CDH12: variants seen among roughly 807,000 people sequenced by gnomAD.
The protein encoded by CDH12 is cadherin 12.
Under a neutral mutation model 74.1 loss-of-function variants are expected in CDH12, and 41 were observed. That is an observed-to-expected ratio of 0.55 (90% CI 0.43 to 0.72). The LOEUF (loss-of-function observed/expected upper bound fraction) is 0.72, where lower values mean the gene tolerates loss of function less well. Ranked by LOEUF, CDH12 falls within the 30% of genes least tolerant of loss-of-function variation. The pLI, the probability that CDH12 is intolerant of heterozygous loss-of-function variation, is 0.00. For synonymous variants in CDH12, 399 were observed against 355.0 expected (o/e 1.12, Z -1.39); for missense variants, 945 against 977.2 (o/e 0.97, Z 0.44).
intron 3 of CDH12, among the ~76,000 whole-genome samples, chr5:22,383,059 C>T (rs1250866998): frequency 1.3e-5 from 2 of 149,916 alleles, no homozygotes; most frequent in African/African-American, 4.9e-5. Flanking sequence ...CTTAAACTCC[C>T]GACCTCAGGT....
chr5:22,534,625 C>G (rs1275735520), intron 1 of CDH12, among the ~76,000 whole-genome samples: 1 of 151,914 alleles, frequency 6.6e-6, no homozygotes, highest in Non-Finnish European at 1.5e-5. Context: ...AGAAAGCACA[C>G]TAGTTGCAAT....
At chr5:22,612,362 C>T (rs2126827881) in intron 1 of CDH12, among the ~76,000 whole-genome samples, 1 of 152,182 alleles carries the variant, frequency 6.6e-6, no homozygotes, top group East Asian at 1.9e-4. Context: ...GATTTGGAAA[C>T]ACTGTTTATC....
intron 2 of CDH12, among the ~76,000 whole-genome samples, chr5:22,453,139 T>A (rs1303656030): frequency 6.6e-6 from 1 of 152,032 alleles, no homozygotes; most frequent in Non-Finnish European, 1.5e-5. Context: ...TTGATGGGAA[T>A]GTAAATTAGT....
intron 4 of CDH12, among the ~76,000 whole-genome samples, chr5:22,102,819 G>GCT (rs142956323): frequency 1.3e-5 from 2 of 151,770 alleles, no homozygotes; most frequent in Non-Finnish European, 2.9e-5. Flanking sequence ...GTAGATTCAC[G>GCT]CTCTCTCTCT....
At chr5:22,603,292 A>C (rs1255867949) in intron 1 of CDH12, among the ~76,000 whole-genome samples, 1 of 152,220 alleles carries the variant, frequency 6.6e-6, no homozygotes, top group Non-Finnish European at 1.5e-5. Flanking sequence ...CCACACTAAA[A>C]TAGTTACTGC....
intron 3 of CDH12, among the ~76,000 whole-genome samples, chr5:22,348,457 C>T (rs1417673643): frequency 6.6e-6 from 1 of 152,034 alleles, no homozygotes; most frequent in Non-Finnish European, 1.5e-5. Flanking sequence ...TAAATTCAGT[C>T]CACTAGTTAA....
Position 21,751,079 on chromosome 5 carries a change from T to A in CDH12, c.*658A>T, listed in dbSNP as rs1744019728. The A allele has an allele frequency of 6.6e-6, 1 of 152,596 alleles. No individual in the cohort carries two copies. The highest frequency in any genetic ancestry group is 6.5e-5 in the Admixed American group (1 of 15,270). 9.5% of individuals were successfully genotyped at this position (152,596 alleles called of 1,614,324 possible). A position where few individuals can be genotyped will look rare whatever the true frequency, so the allele number is the denominator to read the frequency against. On this transcript the variant is annotated 3_prime_UTR_variant, in exon 15 of 15. Coordinates refer to ENST00000382254, the MANE Select transcript of CDH12 (RefSeq NM_004061.5). Reference sequence around the variant, plus strand: ...ATATTGAACTTGATATTTTCATATTTATTTCAATTTTCTGAAAGGATAGGA... The same window carrying A: ...ATATTGAACTTGATATTTTCATATTAATTTCAATTTTCTGAAAGGATAGGA...
At chr5:22,742,489 C>A (rs1745077739) in intron 1 of CDH12, among the ~76,000 whole-genome samples, 1 of 151,996 alleles carries the variant, frequency 6.6e-6, no homozygotes, top group Admixed American at 6.6e-5. Flanking sequence ...GAAATACCTT[C>A]AAAAAATAGT....
At chr5:22,834,778 AT>A (rs1429947694) in intron 1 of CDH12, among the ~76,000 whole-genome samples, 2 of 152,084 alleles carry the variant, frequency 1.3e-5, no homozygotes, top group Non-Finnish European at 2.9e-5. Flanking sequence ...TTTATACGCT[AT>A]TTTTACCAAG....
intron 1 of CDH12, among the ~76,000 whole-genome samples, chr5:22,732,721 T>C (rs2127005783): frequency 6.6e-6 from 1 of 151,934 alleles, no homozygotes; most frequent in South Asian, 2.1e-4. Context: ...AGCCAAGGAA[T>C]GCCAGCTTGC....
chr5:22,354,809 C>T (rs140689905), intron 3 of CDH12, among the ~76,000 whole-genome samples: 6 of 152,086 alleles, frequency 3.9e-5, no homozygotes, highest in African/African-American at 7.2e-5. Context: ...ACTTGAAAAT[C>T]CCAAGTAAAA....
At chr5:22,420,387 C>T (rs1178932977) in intron 2 of CDH12, among the ~76,000 whole-genome samples, 2 of 152,126 alleles carry the variant, frequency 1.3e-5, no homozygotes, top group African/African-American at 2.4e-5. Context: ...CAATTTTCTT[C>T]GTATGGCTAT....
At chr5:22,237,180 C>A (rs189777403) in intron 3 of CDH12, among the ~76,000 whole-genome samples, 14 of 152,156 alleles carry the variant, frequency 9.2e-5, no homozygotes, top group Non-Finnish European at 1.3e-4. Flanking sequence ...CTACAACATT[C>A]GAATTTTTCA....
intron 6 of CDH12, among the ~76,000 whole-genome samples, chr5:21,942,156 T>A (rs2431891): frequency 2.6e-5 from 4 of 151,818 alleles, no homozygotes; most frequent in Admixed American, 1.3e-4. Flanking sequence ...GGATTTCAAG[T>A]TGGAGAAAGG....
At chr5:22,720,835 A>AT (rs1377837209) in intron 1 of CDH12, among the ~76,000 whole-genome samples, 1 of 152,190 alleles carries the variant, frequency 6.6e-6, no homozygotes, top group Non-Finnish European at 1.5e-5. Flanking sequence ...GACTGGTGGC[A>AT]TTTTGCCCTT....
intron 9 of CDH12, among the ~76,000 whole-genome samples, chr5:21,803,738 A>G (rs1747266505): frequency 6.6e-6 from 1 of 152,176 alleles, no homozygotes; most frequent in Non-Finnish European, 1.5e-5. Context: ...TGTTTTCTAA[A>G]GGAATTCCTT....
chr5:22,327,765 CCT>C (rs1389310162), intron 3 of CDH12, among the ~76,000 whole-genome samples: 1 of 152,060 alleles, frequency 6.6e-6, no homozygotes, highest in African/African-American at 2.4e-5. Flanking sequence ...GGACCACTTC[CCT>C]CTCTCTAGGT....
intron 5 of CDH12, among the ~76,000 whole-genome samples, chr5:22,077,359 T>C (rs1025892911): frequency 1.3e-5 from 2 of 152,166 alleles, no homozygotes; most frequent in African/African-American, 4.8e-5. Context: ...CTTAAATGAA[T>C]ATTCCTCCTT....
Position 22,004,507 on chromosome 5 carries a change from G to T in CDH12, c.232-29122C>A, listed in dbSNP as rs140666149. Reference sequence around the variant, plus strand: ...TACTCTCTTCTCACTGTTCATGCACGCTGCCCTGCCACCTCAGGGAGTTTG... The same window carrying T: ...TACTCTCTTCTCACTGTTCATGCACTCTGCCCTGCCACCTCAGGGAGTTTG... On this transcript the variant is annotated intron_variant, in intron 5 of 14. Coordinates refer to ENST00000382254, the MANE Select transcript of CDH12 (RefSeq NM_004061.5). 7.6e-3 allele frequency among the ~76,000 whole-genome samples: 1,162 copies of T among 152,172 alleles called. 15 individuals carry two copies. Among genetic ancestry groups the T allele is most frequent in the African/African-American group, 0.027 (1,107 of 41,530 alleles).
Sources: allele counts gnomAD v4.1 joint callset (sites outside exome capture counted in the v4.1 genomes callset), GRCh38; gene constraint gnomAD v4.1.1; transcripts MANE v1.5; gene names NCBI Gene and HGNC (gene_info 2026-07-23, HGNC 2026-07-21).